The following IKBKB variants were observed in gnomAD, a reference collection of about 807,000 sequenced individuals.
IKBKB encodes inhibitor of nuclear factor kappa-B kinase subunit beta.
In IKBKB, 42 loss-of-function variants were observed where a neutral mutation model predicts 113.6. That is an observed-to-expected ratio of 0.37 (90% confidence interval 0.29 to 0.48). IKBKB has a LOEUF of 0.48. Ranked by LOEUF, IKBKB falls within the 20% of genes least tolerant of loss-of-function variation. The pLI is 0.99. For missense variants in IKBKB, 673 were observed against 939.7 expected (o/e 0.72, Z 3.71); for synonymous variants, 296 against 361.3 (o/e 0.82, Z 2.05).
intron 2 of IKBKB, among the ~76,000 whole-genome samples, chr8:42,272,919 A>T (rs981866767): frequency 1.4e-5 from 2 of 144,858 alleles, no homozygotes; most frequent in Non-Finnish European, 3.1e-5. Context: ...CAGCCTGGGT[A>T]ACAGAGTGAG....
chr8:42,271,624 G>A, intron 1 of IKBKB, 155 bp downstream of exon 1: 1 of 548,376 alleles, frequency 1.8e-6, no homozygotes, highest in Non-Finnish European at 3.2e-6. Context: ...CGGGAAGCCG[G>A]GAGAAACAGC....
chr8:42,312,031 C>T (rs1322103532), intron 8 of IKBKB, among the ~76,000 whole-genome samples: 7 of 152,098 alleles, frequency 4.6e-5, no homozygotes, highest in South Asian at 2.1e-4. Context: ...GGACTACAGG[C>T]GCCCGCCACC....
intron 4 of IKBKB, among the ~76,000 whole-genome samples, chr8:42,291,478 G>A (rs1003588414): frequency 1.3e-5 from 2 of 152,182 alleles, no homozygotes; most frequent in Non-Finnish European, 2.9e-5. Context: ...ACTGCGCCCA[G>A]CCAACAACAA....
In IKBKB at chr8:42,309,101, G is replaced by A; in HGVS notation, c.692+76G>A. On this transcript the variant is annotated intron_variant, in intron 8 of 21. Transcript: ENST00000520810. ...TCTCTTCACGTACCCTGTTTCCCTG[G>A]CGCCCCATCACCGGGCCTGGGAGAT... The A allele has an allele frequency of 4.0e-6, 6 of 1,485,196 alleles. No individual in the cohort carries two copies. In the South Asian group the frequency reaches 7.5e-5, roughly 19 times the overall value. The allele number at this position is 1,485,196 out of a possible 1,614,324, so 92.0% of individuals were successfully genotyped here. A position where few individuals can be genotyped will look rare whatever the true frequency, so the allele number is the denominator to read the frequency against.
In IKBKB at chr8:42,285,042, G is replaced by T. The variant is rs184825849; in HGVS notation, c.106-3592G>T. ...CAGCTAATTTTTTATTTTTAGTAGAGATGGGGTTTCACCATGTTGGCCAGG... is the reference window on the plus strand; with the variant it reads ...CAGCTAATTTTTTATTTTTAGTAGATATGGGGTTTCACCATGTTGGCCAGG... On this transcript the variant is annotated intron_variant, in intron 2 of 21. Transcript: ENST00000520810. Among the ~76,000 whole-genome samples the T allele has an allele frequency of 5.9e-5, 9 of 152,020 alleles. No individual in the cohort carries two copies. The East Asian group carries it at 1.6e-3, about 26-fold the overall frequency.
At chr8:42,280,818 A>G (rs1432723599) in intron 2 of IKBKB, among the ~76,000 whole-genome samples, 1 of 152,160 alleles carries the variant, frequency 6.6e-6, no homozygotes. Flanking sequence ...CCCTTCTATG[A>G]AGCAGCACGG....
rs1812326855 is a variant in IKBKB at position 42,290,268 on chromosome 8, C to T, written c.313C>T (p.Arg105Trp). 6.2e-7 allele frequency: 1 copy of T among 1,610,436 alleles called. No individual in the cohort carries two copies. The highest frequency in any genetic ancestry group is 8.5e-7 in the Non-Finnish European group (1 of 1,177,144). The change falls in exon 4 of 22, where the codon CGG (arginine) becomes TGG (tryptophan). Residue 105 changes from arginine to tryptophan, a missense_variant. Arg to Trp is a moderately radical substitution (Grantham distance 101, BLOSUM62 -3). This residue lies in a region of IKBKB where 167 missense variants were observed against 301.0 expected (regional missense o/e 0.55). Coordinates refer to ENST00000520810, the MANE Select transcript of IKBKB (RefSeq NM_001556.3). ...AMEYCQGGDL[R>W]KYLNQFENCC... ...GGAGTACTGCCAAGGAGGAGATCTC[C>T]GGAAGGTGAGGCTCCCACGGCTGCC... is the stretch of plus-strand genomic sequence containing the variant.
chr8:42,280,085 C>A (rs372321562), intron 2 of IKBKB, among the ~76,000 whole-genome samples: 13 of 152,110 alleles, frequency 8.5e-5, no homozygotes, highest in East Asian at 7.7e-4. Context: ...TGGGCTCAAG[C>A]AGTCCTCCTG....
rs187705532 is a variant in IKBKB at position 42,287,802 on chromosome 8, A to G, written c.106-832A>G. 7.0e-4 allele frequency among the ~76,000 whole-genome samples: 106 copies of G among 152,260 alleles called. 1 individual carries two copies. Among genetic ancestry groups the G allele is most frequent in the African/African-American group, 2.1e-3 (87 of 41,556 alleles). ...TGAACCAGCCAGTGTTTCATCTGCT[A>G]TATTATGCCATATTATGCTTGCGTT... is the stretch of plus-strand genomic sequence containing the variant. On this transcript the variant is annotated intron_variant, in intron 2 of 21. Coordinates refer to ENST00000520810, the MANE Select transcript of IKBKB (RefSeq NM_001556.3).
chr8:42,321,971 G>C, intron 17 of IKBKB, 26 bp downstream of exon 17: 1 of 1,611,990 alleles, frequency 6.2e-7, no homozygotes. Context: ...TGTCTGCCTT[G>C]GGCTTCTCCT....
chr8:42,325,801 C>CACA, intron 19 of IKBKB, 169 bp from the exon 20 acceptor site: 1 of 1,465,000 alleles, frequency 6.8e-7, no homozygotes, highest in Non-Finnish European at 9.0e-7. Context: ...CTTTTGAAGC[C>CACA]AGATGTGAAG....
chr8:42,276,535 A>C (rs1306539747), intron 2 of IKBKB, among the ~76,000 whole-genome samples: 1 of 152,094 alleles, frequency 6.6e-6, no homozygotes, highest in Non-Finnish European at 1.5e-5. Flanking sequence ...CCATTCCATA[A>C]GTTGTCTCCA....
chr8:42,319,467 C>G lies in IKBKB; in HGVS notation c.1516+46C>G, dbSNP rs1445970644. On this transcript the variant is annotated intron_variant, in intron 14 of 21. Coordinates refer to ENST00000520810, the MANE Select transcript of IKBKB (RefSeq NM_001556.3). ...GAGTTTAAAGACACCATTTTTTTTT[C>G]TTTTTCTCTTTCTAAGGTTTCTTTT... is the stretch of plus-strand genomic sequence containing the variant. 3.7e-6 allele frequency: 6 copies of G among 1,605,500 alleles called. No homozygotes were observed. The South Asian group carries it at 6.6e-5, about 18-fold the overall frequency.
intron 2 of IKBKB, among the ~76,000 whole-genome samples, chr8:42,286,815 T>C (rs192160333): frequency 6.6e-6 from 1 of 152,338 alleles, no homozygotes; most frequent in East Asian, 1.9e-4. Context: ...AGGACATCCT[T>C]CAAGTGAGCC....
At chr8:42,305,319 C>T (rs200325880) in intron 6 of IKBKB, 44 bp downstream of exon 6, 104 of 1,236,684 alleles carry the variant, frequency 8.4e-5, no homozygotes, top group Non-Finnish European at 1.1e-4. Context: ...GTGGGCGTGC[C>T]GGGAAGTGGC....
chr8:42,279,400 A>G (rs545317741), intron 2 of IKBKB, among the ~76,000 whole-genome samples: 16 of 152,364 alleles, frequency 1.1e-4, no homozygotes, highest in Middle Eastern at 3.4e-3. Context: ...TCTTGTCTGC[A>G]GAAGAAGGAA....
chr8:42,292,235 AAGTAGGTGGG>A (rs746291111), intron 4 of IKBKB, among the ~76,000 whole-genome samples: 29 of 152,178 alleles, frequency 1.9e-4, no homozygotes, highest in Admixed American at 1.6e-3. Context: ...GGCAGTCTGG[AAGTAGGTGGG>A]ATGTGGCCAG....
At chr8:42,319,457 A>AT (rs762486960) in intron 14 of IKBKB, 36 bp downstream of exon 14, 907 of 1,596,460 alleles carry the variant, frequency 5.7e-4, no homozygotes, top group Non-Finnish European at 7.1e-4. Context: ...TAAAGACACC[A>AT]TTTTTTTTTC....
At chr8:42,288,216 G>A (rs1041263662) in intron 2 of IKBKB, among the ~76,000 whole-genome samples, 12 of 152,014 alleles carry the variant, frequency 7.9e-5, no homozygotes, top group South Asian at 4.1e-4. Flanking sequence ...GTGAAACCCC[G>A]TCTCTACTAA....
Sources: gnomAD v4.1 joint callset for allele counts (sites outside exome capture counted in the v4.1 genomes callset) on GRCh38, gnomAD v4.1.1 for gene constraint, gnomAD v4.1.1 regional missense constraint, MANE v1.5 for transcripts, NCBI Gene and HGNC (gene_info 2026-07-23, HGNC 2026-07-21) for gene names.